The following ELL variants were observed in gnomAD, a reference collection of about 807,000 sequenced individuals.
ELL encodes the protein RNA polymerase II elongation factor ELL.
In ELL, 18 loss-of-function variants were observed where a neutral mutation model predicts 64.0. The ratio of observed to expected loss-of-function variants is 0.28; its 90% CI spans 0.19 to 0.42. ELL has a LOEUF of 0.42. Among genes scored for constraint, ELL ranks in the 10% least tolerant of loss-of-function variants. The pLI is 1.00. For synonymous variants in ELL, 399 were observed against 376.2 expected, an observed-to-expected ratio of 1.06 and a Z score of -0.70; for missense variants, 797 against 870.4, an observed-to-expected ratio of 0.92 and a Z score of 1.06.
intron 1 of ELL, among the ~76,000 whole-genome samples, chr19:18,476,723 G>A (rs189674187): frequency 2.0e-5 from 3 of 152,290 alleles, no homozygotes; most frequent in East Asian, 3.9e-4. Context: ...AGAGGTGGCC[G>A]TCATCATGGC....
intron 6 of ELL, among the ~76,000 whole-genome samples, chr19:18,454,751 G>A (rs948965500): frequency 3.4e-5 from 5 of 147,212 alleles, no homozygotes; most frequent in Non-Finnish European, 7.4e-5. Context: ...TGAGGTAGGC[G>A]AATCACTTGA....
intron 1 of ELL, among the ~76,000 whole-genome samples, chr19:18,481,373 G>A (rs1030566483): frequency 8.5e-5 from 13 of 152,116 alleles, no homozygotes; most frequent in African/African-American, 2.7e-4. Flanking sequence ...GGGCTCTAGG[G>A]GAGGACCTTT....
At position 18,449,966 on chromosome 19, in the gene ELL, A is replaced by AC. The variant is rs1234786090; in HGVS notation, c.1465+510dup. 6.7e-6 allele frequency among the ~76,000 whole-genome samples: 1 copy of AC among 148,208 alleles called. No individual in the cohort carries two copies. Among genetic ancestry groups the AC allele is most frequent in the Non-Finnish European group, 1.5e-5 (1 of 66,654 alleles). ...TCCCCACAGCAGAAACCTACAGTCC[A>AC]CAACAGTCGCACGGTGCCTACAGAG... On this transcript the variant is annotated intron_variant, in intron 8 of 11. Transcript: ENST00000262809. This position sits in a 1 kb window ranked among gnomAD's most constrained non-coding sequence, Gnocchi z 4.4.
intron 6 of ELL, among the ~76,000 whole-genome samples, chr19:18,456,255 G>C (rs545051391): frequency 5.3e-5 from 8 of 152,360 alleles, no homozygotes; most frequent in African/African-American, 1.7e-4. Flanking sequence ...TCAGCCTGCG[G>C]GGGCCGTGGT....
intron 4 of ELL, among the ~76,000 whole-genome samples, chr19:18,463,449 C>T (rs1974871605): frequency 6.6e-6 from 1 of 150,986 alleles, no homozygotes. Flanking sequence ...ATTCTCCTGC[C>T]TCAGCCTCCC....
At chr19:18,507,780 C>T (rs1025201335) in intron 1 of ELL, among the ~76,000 whole-genome samples, 2 of 152,220 alleles carry the variant, frequency 1.3e-5, no homozygotes, top group African/African-American at 4.8e-5. Context: ...CGAACAACCA[C>T]GCAGCTGAGG....
intron 2 of ELL, among the ~76,000 whole-genome samples, chr19:18,467,951 C>G (rs369484523): frequency 2.8e-5 from 4 of 142,802 alleles, no homozygotes; most frequent in Non-Finnish European, 6.1e-5. Flanking sequence ...CAACACATAG[C>G]GCCACACATA....
At chr19:18,517,316 G>C (rs567917655) in intron 1 of ELL, among the ~76,000 whole-genome samples, 1 of 152,124 alleles carries the variant, frequency 6.6e-6, no homozygotes, top group Non-Finnish European at 1.5e-5. Flanking sequence ...GGAGTGCAGT[G>C]GTGCGATCTC....
chr19:18,497,815 C>CAAAAAAAAAAAAAAAAAAAAAAAAAAA (rs58521941), intron 1 of ELL, among the ~76,000 whole-genome samples: 1 of 54,214 alleles, frequency 1.8e-5, no homozygotes, highest in Non-Finnish European at 3.5e-5. Context: ...GATCTCATCT[C>CAAAAAAAAAAAAAAAAAAAAAAAAAAA]AAAAAAAAAA....
In ELL at chr19:18,472,871, T is replaced by C. The variant is rs1305803705; in HGVS notation, c.147A>G (p.Ser49=). 6.7e-7 allele frequency: 1 copy of C among 1,502,634 alleles called. No individual in the cohort carries two copies. The highest frequency in any genetic ancestry group is 1.2e-5 in the South Asian group (1 of 81,178). 93.1% of individuals were successfully genotyped at this position (1,502,634 alleles called of 1,614,324 possible). ...CTTGAAATCGGATAGATGGCCTCAG[T>C]GAAACAGAATCCTATAAAAAAAAAA... ...ESYRARQDSV[S]LRPSIRFQGS... The change falls in exon 2 of 12, where the codon TCA becomes TCG. Residue 49 remains serine, a synonymous_variant. Transcript: ENST00000262809.
At chr19:18,494,580 A>G (rs577841876) in intron 1 of ELL, among the ~76,000 whole-genome samples, 3 of 152,206 alleles carry the variant, frequency 2.0e-5, no homozygotes, top group African/African-American at 7.2e-5. Flanking sequence ...TAGTAGAGAC[A>G]GGGTTTTGCC....
At chr19:18,491,857 C>G (rs1444917222) in intron 1 of ELL, among the ~76,000 whole-genome samples, 10 of 152,094 alleles carry the variant, frequency 6.6e-5, no homozygotes, top group Admixed American at 6.6e-4. Context: ...GTTGAGATTG[C>G]AGTACAGCCT....
In ELL at chr19:18,443,648, C is replaced by T. The variant is rs537769778; in HGVS notation, c.*1104G>A. Reference sequence around the variant, plus strand: ...GCTTTGGGGGACACTAGACTAGGCACAGCAACAGAGCAGCAATTGGGGTGT... The same window carrying T: ...GCTTTGGGGGACACTAGACTAGGCATAGCAACAGAGCAGCAATTGGGGTGT... On this transcript the variant is annotated 3_prime_UTR_variant, in exon 12 of 12. Coordinates refer to ENST00000262809, the MANE Select transcript of ELL (RefSeq NM_006532.4). 38 of 233,446 alleles carry T rather than the reference C, an allele frequency of 1.6e-4. No homozygotes were observed. The Middle Eastern group carries it at 6.4e-3, about 39-fold the overall frequency. The allele number at this position is 233,446 out of a possible 1,614,324, so 14.5% of individuals were successfully genotyped here.
At chr19:18,447,013 C>T (rs1056488678) in intron 8 of ELL, among the ~76,000 whole-genome samples, 199 bp from the exon 9 acceptor site, 1 of 152,200 alleles carries the variant, frequency 6.6e-6, no homozygotes, top group Non-Finnish European at 1.5e-5. Context: ...TGGACCTGGG[C>T]GTGCCCTCCA....
At chr19:18,475,368 T>G (rs529018800) in intron 1 of ELL, among the ~76,000 whole-genome samples, 1 of 152,300 alleles carries the variant, frequency 6.6e-6, no homozygotes, top group Non-Finnish European at 1.5e-5. Flanking sequence ...GAGCAAGTGT[T>G]GGCGAGGACC....
intron 1 of ELL, among the ~76,000 whole-genome samples, chr19:18,513,822 G>A (rs192269160): frequency 5.9e-5 from 9 of 151,840 alleles, no homozygotes; most frequent in Admixed American, 2.6e-4. Flanking sequence ...TCCCAGCTAC[G>A]CAAGAGGCTG....
intron 1 of ELL, among the ~76,000 whole-genome samples, chr19:18,500,363 G>C (rs932185211): frequency 2.0e-5 from 3 of 152,106 alleles, no homozygotes; most frequent in Admixed American, 6.5e-5. Context: ...TGCATATCGT[G>C]GGTTTGTAAA....
intron 1 of ELL, among the ~76,000 whole-genome samples, chr19:18,517,806 A>C (rs918643434): frequency 1.3e-5 from 2 of 151,058 alleles, no homozygotes; most frequent in African/African-American, 2.4e-5. Context: ...AAGATCACTT[A>C]AGCCCAGGAG....
intron 6 of ELL, among the ~76,000 whole-genome samples, chr19:18,452,549 T>G (rs1974562558): frequency 6.6e-6 from 1 of 152,196 alleles, no homozygotes; most frequent in Non-Finnish European, 1.5e-5. Context: ...AGCAGAAGCA[T>G]GAGTGGTGAC....
Sources: allele counts gnomAD v4.1 joint callset (sites outside exome capture counted in the v4.1 genomes callset), GRCh38; gene constraint gnomAD v4.1.1; non-coding constraint Gnocchi (gnomAD v3.1); transcripts MANE v1.5; gene names NCBI Gene and HGNC (gene_info 2026-07-23, HGNC 2026-07-21).